Variants in SLC6A6 observed in about 807,000 individuals in gnomAD.
The protein encoded by SLC6A6 is solute carrier family 6 member 6, also known as sodium- and chloride-dependent taurine transporter.
A neutral mutation model predicts 68.8 loss-of-function variants in SLC6A6; 16 were observed. The observed-to-expected ratio is 0.23, with a 90% CI of 0.16 to 0.35. The LOEUF (loss-of-function observed/expected upper bound fraction) is 0.35. Ranked by LOEUF, SLC6A6 falls within the 10% of genes least tolerant of loss-of-function variation. SLC6A6 has a pLI of 1.00. For missense variants in SLC6A6, 474 were observed against 802.8 expected, an observed-to-expected ratio of 0.59 and a Z score of 4.95; for synonymous variants, 312 against 315.4, an observed-to-expected ratio of 0.99 and a Z score of 0.12.
chr3:14,437,301 A>G (rs1393034489), intron 2 of SLC6A6, among the ~76,000 whole-genome samples: 1 of 152,042 alleles, frequency 6.6e-6, no homozygotes, highest in Non-Finnish European at 1.5e-5. Flanking sequence ...TCTGTCACCC[A>G]GGCTGGAGTG....
intron 2 of SLC6A6, among the ~76,000 whole-genome samples, chr3:14,431,791 G>C (rs1699730502): frequency 6.6e-6 from 1 of 152,220 alleles, no homozygotes; most frequent in Non-Finnish European, 1.5e-5. Context: ...CTGAGTCCGA[G>C]TGAGGTGGGG....
Position 14,462,464 on chromosome 3 carries a change from G to A in SLC6A6, c.733-4052G>A, listed in dbSNP as rs768305307. Among the ~76,000 whole-genome samples the A allele has an allele frequency of 7.9e-5, 12 of 152,250 alleles. No homozygotes were observed. The East Asian group carries it at 9.7e-4, about 12-fold the overall frequency. ...TGTAATCCCAGCACTTGGGGGAGCC[G>A]AGGAGGGCAGATTGCTTAAGTTCAG... On this transcript the variant is annotated intron_variant, in intron 6 of 14. Transcript: ENST00000622186.
chr3:14,433,833 TAAG>T, intron 2 of SLC6A6, among the ~76,000 whole-genome samples: 1 of 128,662 alleles, frequency 7.8e-6, no homozygotes, highest in African/African-American at 2.9e-5. Flanking sequence ...AAAAAAGTCA[TAAG>T]TACCTGCAGG....
chr3:14,488,164 T>G lies in SLC6A6; in HGVS notation c.*3157T>G, dbSNP rs1259297056. On this transcript the variant is annotated 3_prime_UTR_variant, in exon 15 of 15. Coordinates refer to ENST00000622186, the MANE Select transcript of SLC6A6 (RefSeq NM_003043.6). ...GGTGTGCCAGATCCTTAGGCAGGATTTAGATGAAGTCGCCCTGGCTCCAGA... is the reference window on the plus strand; with the variant it reads ...GGTGTGCCAGATCCTTAGGCAGGATGTAGATGAAGTCGCCCTGGCTCCAGA... 6.6e-6 allele frequency: 1 copy of G among 152,538 alleles called. No homozygotes were observed. The highest frequency in any genetic ancestry group is 1.5e-5 in the Non-Finnish European group (1 of 68,044). The allele number at this position is 152,538 out of a possible 1,614,324, so 9.4% of individuals were successfully genotyped here.
rs199568592 is a variant in SLC6A6, at chr3:14,471,136, T to TA, written c.1097-1069_1097-1068insA. ...TTTGTTTCCTGCTTCTTGACTTTTT[T>TA]TTTTTTTTTTTTTTTTAGTTGTAGA... On this transcript the variant is annotated intron_variant, in intron 9 of 14. Coordinates refer to ENST00000622186, the MANE Select transcript of SLC6A6 (RefSeq NM_003043.6). Among the ~76,000 whole-genome samples the TA allele has an allele frequency of 2.5e-3, 373 of 150,262 alleles. 2 individuals carry two copies. Among genetic ancestry groups the TA allele is most frequent in the African/African-American group, 8.8e-3 (360 of 41,140 alleles).
At position 14,422,528 on chromosome 3, in the gene SLC6A6, G is replaced by T. The variant is rs528410776; in HGVS notation, c.-12+6075G>T. On this transcript the variant is annotated intron_variant, in intron 2 of 14. Transcript: ENST00000622186. ...CGTCCTCCACTAAGTCAGGCACAGAGCACGTGCAGCATAGGGCCGGTGTCC... is the reference window on the plus strand; with the variant it reads ...CGTCCTCCACTAAGTCAGGCACAGATCACGTGCAGCATAGGGCCGGTGTCC... 3.7e-4 allele frequency among the ~76,000 whole-genome samples: 57 copies of T among 152,270 alleles called. 1 individual carries two copies. In the South Asian group the frequency reaches 0.012, roughly 31 times the overall value.
chr3:14,413,061 G>A (rs186454562), intron 1 of SLC6A6, among the ~76,000 whole-genome samples: 1 of 152,348 alleles, frequency 6.6e-6, no homozygotes, highest in East Asian at 1.9e-4. Flanking sequence ...GGAGAGCCCA[G>A]GGCTAGCCAG....
At chr3:14,458,123 T>C in intron 6 of SLC6A6, 41 bp downstream of exon 6, 1 of 1,595,044 alleles carries the variant, frequency 6.3e-7, no homozygotes. Context: ...CCTGGAGAGC[T>C]GTGCCAGGCT....
chr3:14,421,616 G>A (rs1437425695), intron 2 of SLC6A6, among the ~76,000 whole-genome samples: 3 of 152,216 alleles, frequency 2.0e-5, no homozygotes, highest in Non-Finnish European at 4.4e-5. Context: ...CTCTATCTCA[G>A]AGAAGTCTGA....
chr3:14,435,474 A>T (rs1267727661), intron 2 of SLC6A6, among the ~76,000 whole-genome samples: 2 of 152,234 alleles, frequency 1.3e-5, no homozygotes, highest in African/African-American at 4.8e-5. Context: ...CAGAGACGGC[A>T]TGCTGAAACG....
chr3:14,458,018 G>C lies in SLC6A6; in HGVS notation c.668G>C (p.Cys223Ser). The C allele has an allele frequency of 6.2e-7, 1 of 1,613,888 alleles. No individual in the cohort carries two copies. Among genetic ancestry groups the C allele is most frequent in the African/African-American group, 1.3e-5 (1 of 75,046 alleles). The stretch of plus-strand genomic sequence containing the variant: ...TCTCTGAAATGGGACCTCGCTCTCT[G>C]CCTTCTTTTAGTCTGGCTAGTGTGT... ...PGSLKWDLALCLLLVWLVCFF... is the reference protein window; with the variant it reads ...PGSLKWDLALSLLLVWLVCFF... The change falls in exon 6 of 15, where the codon TGC becomes TCC. Residue 223 changes from cysteine to serine, a missense_variant. By Grantham distance (112) the Cys-to-Ser change is moderately radical. This residue lies in a region of SLC6A6 where 280 missense variants were observed against 533.1 expected (regional missense o/e 0.53). Transcript: ENST00000622186.
intron 3 of SLC6A6, among the ~76,000 whole-genome samples, chr3:14,444,539 G>A (rs2124945448): frequency 6.6e-6 from 1 of 152,316 alleles, no homozygotes; most frequent in East Asian, 1.9e-4. Context: ...AGGTCAGGCA[G>A]CACCTAACGG....
chr3:14,454,079 A>C (rs1347593535), intron 5 of SLC6A6, among the ~76,000 whole-genome samples: 1 of 152,160 alleles, frequency 6.6e-6, no homozygotes, highest in Non-Finnish European at 1.5e-5. Flanking sequence ...CTTAAAAGTG[A>C]GTCTGAATGG....
intron 6 of SLC6A6, among the ~76,000 whole-genome samples, chr3:14,463,567 G>A (rs987983518): frequency 2.0e-5 from 3 of 152,236 alleles, no homozygotes; most frequent in African/African-American, 2.4e-5. Context: ...TCGCCAGCCC[G>A]GGTGTGGCCC....
rs577420888 is a variant in SLC6A6, at chr3:14,488,825, G to T, written c.*3818G>T. ...GCATTTTTGCATTGTTCTCTTGTGG[G>T]TGTCACTACAGACATGTTCTGGCGT... On this transcript the variant is annotated 3_prime_UTR_variant, in exon 15 of 15. Coordinates refer to ENST00000622186, the MANE Select transcript of SLC6A6 (RefSeq NM_003043.6). The T allele has an allele frequency of 1.3e-5, 2 of 152,676 alleles. No individual in the cohort carries two copies. Among genetic ancestry groups the T allele is most frequent in the South Asian group, 2.1e-4 (1 of 4,824 alleles). The allele number at this position is 152,676 out of a possible 1,614,324, so 9.5% of individuals were successfully genotyped here. A position where few individuals can be genotyped will look rare whatever the true frequency, so the allele number is the denominator to read the frequency against.
chr3:14,472,514 G>T lies in SLC6A6; in HGVS notation c.1209+197G>T, dbSNP rs1224895572. On this transcript the variant is annotated intron_variant, in intron 10 of 14. Coordinates refer to ENST00000622186, the MANE Select transcript of SLC6A6 (RefSeq NM_003043.6). The surrounding 1 kb of genome is among the most constrained non-coding windows in gnomAD (Gnocchi z 4.5). ...GTCCCCAGAAAGTGCATTTGAACAA[G>T]ATAATTATTTAGCCTAATGGAGTGC... Among the ~76,000 whole-genome samples, 3 of 152,318 alleles carry T rather than the reference G, an allele frequency of 2.0e-5. No homozygotes were observed. In the East Asian group the frequency reaches 5.8e-4, roughly 29 times the overall value.
intron 9 of SLC6A6, among the ~76,000 whole-genome samples, chr3:14,471,121 GCTT>G (rs1205886322): frequency 2.6e-5 from 3 of 113,468 alleles, no homozygotes; most frequent in Non-Finnish European, 5.6e-5. Context: ...TTTGTTTCCT[GCTT>G]CTTGACTTTT....
At chr3:14,424,711 C>T (rs1188769598) in intron 2 of SLC6A6, among the ~76,000 whole-genome samples, 1 of 152,180 alleles carries the variant, frequency 6.6e-6, no homozygotes, top group Non-Finnish European at 1.5e-5. Flanking sequence ...ACAACTGGCT[C>T]CTGAACAGAC....
chr3:14,477,140 C>T lies in SLC6A6; in HGVS notation c.1210-65C>T, dbSNP rs1005418917. The T allele has an allele frequency of 5.7e-5, 87 of 1,524,462 alleles. 1 individual carries two copies. In the South Asian group the frequency reaches 5.9e-4, roughly 10 times the overall value. The allele number at this position is 1,524,462 out of a possible 1,614,324, so 94.4% of individuals were successfully genotyped here. On this transcript the variant is annotated intron_variant, in intron 10 of 14. Coordinates refer to ENST00000622186, the MANE Select transcript of SLC6A6 (RefSeq NM_003043.6). The surrounding 1 kb of genome is among the most constrained non-coding windows in gnomAD (Gnocchi z 4.2). ...TTGTGTGTTCCTGGGCCCTTCCCTCCGAGCAGCAGGCAAGGGTGGCCTGAG... is the reference window on the plus strand; with the variant it reads ...TTGTGTGTTCCTGGGCCCTTCCCTCTGAGCAGCAGGCAAGGGTGGCCTGAG...
Sources: allele counts gnomAD v4.1 joint callset (sites outside exome capture counted in the v4.1 genomes callset), GRCh38; gene constraint gnomAD v4.1.1; regional missense constraint gnomAD v4.1.1; non-coding constraint Gnocchi (gnomAD v3.1); transcripts MANE v1.5; gene names NCBI Gene and HGNC (gene_info 2026-07-23, HGNC 2026-07-21).